Variants in AVL9 observed in about 807,000 individuals in gnomAD.
The protein encoded by AVL9 is late secretory pathway protein AVL9 homolog.
AVL9 carries 49 observed loss-of-function variants against 79.2 expected under a neutral mutation model. That is an observed-to-expected ratio of 0.62 (90% CI 0.49 to 0.79). The LOEUF is 0.79. AVL9 is among the 30% of genes least tolerant of loss of function. The pLI, the probability that AVL9 is intolerant of heterozygous loss-of-function variation, is 0.00. For missense variants in AVL9, 682 were observed against 776.8 expected (o/e 0.88, Z 1.45); for synonymous variants, 299 against 280.6 (o/e 1.07, Z -0.65).
chr7:32,570,146 A>G lies in AVL9; in HGVS notation c.1342A>G (p.Ile448Val), dbSNP rs1334543605. Residue 448 changes from isoleucine to valine, a missense_variant, in exon 11 of 16, where the codon ATT becomes GTT. Coordinates refer to ENST00000318709, the MANE Select transcript of AVL9 (RefSeq NM_015060.3). ...ACAACAGAAACACCTCAGTGATGCC[A>G]TTGTGGAAGTACGTTTATGTGTGAG... is the stretch of plus-strand genomic sequence containing the variant. ...FRQQKHLSDA[I>V]VEVEEALIQI... is the part of the protein sequence containing the mutation. The G allele has an allele frequency of 6.2e-7, 1 of 1,614,186 alleles. No individual in the cohort carries two copies. Among genetic ancestry groups the G allele is most frequent in the Non-Finnish European group, 8.5e-7 (1 of 1,180,008 alleles).
intron 7 of AVL9, among the ~76,000 whole-genome samples, chr7:32,554,088 A>G (rs1230253707): frequency 6.6e-6 from 1 of 152,166 alleles, no homozygotes; most frequent in African/African-American, 2.4e-5. Flanking sequence ...GATCTTGCAG[A>G]ATATTTTATA....
chr7:32,511,132 C>G (rs1484371158), intron 1 of AVL9, among the ~76,000 whole-genome samples: 1 of 146,614 alleles, frequency 6.8e-6, no homozygotes, highest in Admixed American at 6.8e-5. Context: ...GATTTGTGAG[C>G]CGTCAGGTCT....
chr7:32,588,662 A>T lies in AVL9; in HGVS notation c.*4755A>T, dbSNP rs566069985. On this transcript the variant is annotated 3_prime_UTR_variant, in exon 16 of 16. Transcript: ENST00000318709. ...TACTGAATTGTAAAACTTGAATTGT[A>T]TCTTTATTTTAAGCATAAATGAGAA... 6.6e-6 allele frequency: 1 copy of T among 152,250 alleles called. No homozygotes were observed. Among genetic ancestry groups the T allele is most frequent in the East Asian group, 1.9e-4 (1 of 5,180 alleles). The allele number at this position is 152,250 out of a possible 1,614,324, so 9.4% of individuals were successfully genotyped here.
chr7:32,517,704 A>G (rs932527149), intron 1 of AVL9, among the ~76,000 whole-genome samples: 1 of 152,184 alleles, frequency 6.6e-6, no homozygotes, highest in African/African-American at 2.4e-5. Flanking sequence ...TTTATTGATC[A>G]AGAGATTTCA....
Position 32,499,029 on chromosome 7 carries a change from GGCACA to G in AVL9, c.93+3228_93+3232del, listed in dbSNP as rs1324980037. 3.9e-4 allele frequency among the ~76,000 whole-genome samples: 44 copies of G among 114,248 alleles called. 8 individuals carry two copies. The highest frequency in any genetic ancestry group is 1.4e-3 in the African/African-American group (40 of 28,822). 75.0% of individuals were successfully genotyped at this position (114,248 alleles called of 152,430 possible). A position where few individuals can be genotyped will look rare whatever the true frequency, so the allele number is the denominator to read the frequency against. ...AAATACAAAATTAGCTGCGCGTGGT[GGCACA>G]TGCCTGTGATCCCAGCTACTTGGGA... On this transcript the variant is annotated intron_variant, in intron 1 of 15. Coordinates refer to ENST00000318709, the MANE Select transcript of AVL9 (RefSeq NM_015060.3).
intron 1 of AVL9, chr7:32,531,730 C>T (rs1788666148): frequency 1.3e-5 from 2 of 152,186 alleles, no homozygotes; most frequent in Middle Eastern, 3.1e-3. Flanking sequence ...TTCCACCCCT[C>T]GTGGAGGGAA....
At chr7:32,539,150 C>G (rs1290457568) in intron 1 of AVL9, 1 of 152,210 alleles carries the variant, frequency 6.6e-6, no homozygotes, top group African/African-American at 2.4e-5. Flanking sequence ...ACTTGGGCAG[C>G]TGAGGCAGCA....
intron 1 of AVL9, chr7:32,535,343 A>G (rs1398655853): frequency 1.3e-5 from 2 of 152,236 alleles, no homozygotes; most frequent in Non-Finnish European, 2.9e-5. Flanking sequence ...GACGTCACCA[A>G]TCTAAGTTAT....
chr7:32,543,341 A>C (rs1056747488), intron 2 of AVL9, 80 bp downstream of exon 2: 2 of 1,510,456 alleles, frequency 1.3e-6, no homozygotes, highest in Non-Finnish European at 1.8e-6. Context: ...AAATACTTAG[A>C]AATTAAAGGC....
intron 1 of AVL9, among the ~76,000 whole-genome samples, chr7:32,542,426 C>T (rs867798016): frequency 1.3e-5 from 2 of 150,362 alleles, no homozygotes; most frequent in South Asian, 2.1e-4. Flanking sequence ...CGTGGTGGCA[C>T]ACGCCTGTAA....
chr7:32,549,745 T>G (rs1404137387), intron 4 of AVL9, among the ~76,000 whole-genome samples: 2 of 136,068 alleles, frequency 1.5e-5, no homozygotes, highest in African/African-American at 5.4e-5. Context: ...AAACCCTGTC[T>G]CTACTAAAAA....
chr7:32,539,484 A>T (rs1789076160), intron 1 of AVL9, among the ~76,000 whole-genome samples: 1 of 152,224 alleles, frequency 6.6e-6, no homozygotes, highest in African/African-American at 2.4e-5. Context: ...TCTCTCAAAC[A>T]TAAATGCCTT....
At chr7:32,541,884 T>C (rs1789226111) in intron 1 of AVL9, among the ~76,000 whole-genome samples, 1 of 152,062 alleles carries the variant, frequency 6.6e-6, no homozygotes, top group Non-Finnish European at 1.5e-5. Flanking sequence ...CTGACTAATT[T>C]TTATATTTTT....
chr7:32,527,362 TA>T (rs1788448262), intron 1 of AVL9, among the ~76,000 whole-genome samples: 1 of 152,212 alleles, frequency 6.6e-6, no homozygotes, highest in Non-Finnish European at 1.5e-5. Context: ...TACCCTCAGT[TA>T]TGAGAAGTGC....
At chr7:32,501,686 A>T (rs1421169452) in intron 1 of AVL9, among the ~76,000 whole-genome samples, 1 of 152,206 alleles carries the variant, frequency 6.6e-6, no homozygotes, top group Non-Finnish European at 1.5e-5. Context: ...TTGTTCTCTT[A>T]TGGGTCCTCC....
At chr7:32,579,560 T>TATTATATATTATATATTAC (rs1791378983) in intron 13 of AVL9, among the ~76,000 whole-genome samples, 3 of 5,480 alleles carry the variant, frequency 5.5e-4, no homozygotes, top group African/African-American at 7.3e-4. Context: ...TTATATATTA[T>TATTATATATTATATATTAC]ATTATATATT....
At chr7:32,574,434 C>G (rs1790992959) in intron 12 of AVL9, among the ~76,000 whole-genome samples, 1 of 152,122 alleles carries the variant, frequency 6.6e-6, no homozygotes, top group African/African-American at 2.4e-5. Flanking sequence ...TCCTTTAACC[C>G]CAAATCATTT....
intron 7 of AVL9, among the ~76,000 whole-genome samples, chr7:32,554,216 C>G (rs1789962698): frequency 6.6e-6 from 1 of 152,050 alleles, no homozygotes; most frequent in Non-Finnish European, 1.5e-5. Context: ...ATTTATTTAA[C>G]AAACATTTAC....
chr7:32,506,739 C>T (rs997391622), intron 1 of AVL9, among the ~76,000 whole-genome samples: 13 of 143,268 alleles, frequency 9.1e-5, no homozygotes, highest in Non-Finnish European at 1.7e-4. Context: ...TAGACCCTGT[C>T]TCTATTTAAA....
Sources: gnomAD v4.1 joint callset for allele counts (sites outside exome capture counted in the v4.1 genomes callset) on GRCh38, gnomAD v4.1.1 for gene constraint, MANE v1.5 for transcripts, NCBI Gene and HGNC (gene_info 2026-07-23, HGNC 2026-07-21) for gene names.